Variants in PRKN observed in about 807,000 individuals in gnomAD.
PRKN encodes the protein parkin RBR E3 ubiquitin protein ligase.
A neutral mutation model predicts 59.5 loss-of-function variants in PRKN; 56 were observed. That is an observed-to-expected ratio of 0.94 (90% CI 0.76 to 1.18). The LOEUF (loss-of-function observed/expected upper bound fraction) is 1.18. Among genes scored for constraint, PRKN ranks in the 50% most tolerant of loss-of-function variants. The probability of loss-of-function intolerance (pLI) is 0.00; values close to 1 mark genes in which losing one functional copy is unlikely to be tolerated. For missense variants in PRKN, 657 were observed against 596.4 expected (o/e 1.10, Z -1.06); for synonymous variants, 250 against 222.1 (o/e 1.13, Z -1.12).
chr6:162,541,166 T>G (rs972064416), intron 1 of PRKN, among the ~76,000 whole-genome samples: 7 of 152,046 alleles, frequency 4.6e-5, no homozygotes, highest in African/African-American at 1.7e-4. Context: ...AGTACAATGG[T>G]GTATAAAGCT....
At chr6:161,780,444 T>C (rs903050741) in intron 7 of PRKN, among the ~76,000 whole-genome samples, 2 of 152,212 alleles carry the variant, frequency 1.3e-5, no homozygotes, top group South Asian at 4.1e-4. Context: ...GCAAAGGGGT[T>C]ATCCCAAGGG....
At chr6:162,565,713 C>A (rs1185728825) in intron 1 of PRKN, among the ~76,000 whole-genome samples, 4 of 151,232 alleles carry the variant, frequency 2.6e-5, no homozygotes, top group Non-Finnish European at 5.9e-5. Flanking sequence ...TACATACATA[C>A]ATACATACAT....
At chr6:162,387,812 T>C (rs781103330) in intron 2 of PRKN, among the ~76,000 whole-genome samples, 1 of 152,184 alleles carries the variant, frequency 6.6e-6, no homozygotes, top group Non-Finnish European at 1.5e-5. Flanking sequence ...CACAGAAGAA[T>C]GCGTCAGGTG....
Position 161,397,876 on chromosome 6 carries a change from G to A in PRKN, c.1084-10999C>T, listed in dbSNP as rs1025396227. Among the ~76,000 whole-genome samples the A allele has an allele frequency of 1.3e-5, 2 of 152,106 alleles. No homozygotes were observed. The highest frequency in any genetic ancestry group is 2.4e-5 in the African/African-American group (1 of 41,398). Reference sequence around the variant, plus strand: ...TCGGAGGCCATAATTTTGGTCCAATGGTTCAATGGTCAGCTAGATTCAGAG... The same window carrying A: ...TCGGAGGCCATAATTTTGGTCCAATAGTTCAATGGTCAGCTAGATTCAGAG... On this transcript the variant is annotated intron_variant, in intron 9 of 11. Transcript: ENST00000366898. This position sits in a 1 kb window ranked among gnomAD's most constrained non-coding sequence, Gnocchi z 4.2.
chr6:161,949,462 G>C (rs1176160140), intron 6 of PRKN, among the ~76,000 whole-genome samples: 1 of 152,170 alleles, frequency 6.6e-6, no homozygotes, highest in Admixed American at 6.5e-5. Context: ...GGTGAGCCGA[G>C]TTTGCGCCAC....
rs2115184160 is a variant in PRKN, at chr6:161,468,124, C to T, written c.1083+80730G>A. On this transcript the variant is annotated intron_variant, in intron 9 of 11. Transcript: ENST00000366898. The surrounding 1 kb of genome is among the most constrained non-coding windows in gnomAD (Gnocchi z 5.9). ...AGTAGCTGGGATTATAGGCACGCAC[C>T]ACCACACCTAGCTAATTTTTGTATT... is the stretch of plus-strand genomic sequence containing the variant. 6.6e-6 allele frequency among the ~76,000 whole-genome samples: 1 copy of T among 152,144 alleles called. No individual in the cohort carries two copies. The highest frequency in any genetic ancestry group is 1.5e-5 in the Non-Finnish European group (1 of 67,990).
chr6:162,694,032 G>A lies in PRKN; in HGVS notation c.7+33630C>T, dbSNP rs559103201. ...GGAGGCCGAGGCGGGCAGATCATGA[G>A]GTCAGGAGATCGAGATCATCCTGGC... On this transcript the variant is annotated intron_variant, in intron 1 of 11. Transcript: ENST00000366898. 5.3e-5 allele frequency among the ~76,000 whole-genome samples: 8 copies of A among 152,156 alleles called. No homozygotes were observed. The South Asian group carries it at 1.7e-3, about 32-fold the overall frequency.
At chr6:162,567,922 A>T (rs1488605615) in intron 1 of PRKN, among the ~76,000 whole-genome samples, 2 of 152,234 alleles carry the variant, frequency 1.3e-5, no homozygotes, top group African/African-American at 4.8e-5. Flanking sequence ...ACAGACACAC[A>T]GAGCAATGAA....
At chr6:161,615,436 A>G (rs1009384452) in intron 7 of PRKN, among the ~76,000 whole-genome samples, 12 of 152,370 alleles carry the variant, frequency 7.9e-5, no homozygotes, top group African/African-American at 2.9e-4. Context: ...CAATACTTTC[A>G]TGGCTGTTCT....
chr6:162,201,707 G>A (rs1426834799), intron 3 of PRKN, among the ~76,000 whole-genome samples: 1 of 152,080 alleles, frequency 6.6e-6, no homozygotes, highest in African/African-American at 2.4e-5. Context: ...TGATATAAAT[G>A]ATATGATCAC....
intron 7 of PRKN, among the ~76,000 whole-genome samples, chr6:161,654,444 G>C (rs909063891): frequency 2.6e-5 from 4 of 152,156 alleles, no homozygotes; most frequent in African/African-American, 9.7e-5. Flanking sequence ...CAGCAGCCAT[G>C]AAGAAGCCTG....
At chr6:162,697,862 G>A (rs960056367) in intron 1 of PRKN, among the ~76,000 whole-genome samples, 4 of 151,980 alleles carry the variant, frequency 2.6e-5, no homozygotes, top group Non-Finnish European at 4.4e-5. Context: ...ATATTCCTAG[G>A]TCTACTTCTT....
intron 5 of PRKN, among the ~76,000 whole-genome samples, chr6:162,037,154 C>A (rs1783879835): frequency 6.6e-6 from 1 of 152,084 alleles, no homozygotes; most frequent in South Asian, 2.1e-4. Flanking sequence ...AACTCTACTC[C>A]CAAAATTATA....
At chr6:162,700,038 A>G (rs746388059) in intron 1 of PRKN, among the ~76,000 whole-genome samples, 1 of 152,154 alleles carries the variant, frequency 6.6e-6, no homozygotes, top group Non-Finnish European at 1.5e-5. Context: ...TTGACGAGCT[A>G]ACTTCTATCT....
At chr6:162,230,550 G>T (rs1778378433) in intron 3 of PRKN, among the ~76,000 whole-genome samples, 1 of 152,180 alleles carries the variant, frequency 6.6e-6, no homozygotes, top group South Asian at 2.1e-4. Flanking sequence ...GCTCACCAGA[G>T]ACTGTTAGTC....
At chr6:162,060,794 T>A (rs558418458) in intron 4 of PRKN, among the ~76,000 whole-genome samples, 1 of 152,226 alleles carries the variant, frequency 6.6e-6, no homozygotes, top group Admixed American at 6.5e-5. Context: ...TAGAAAACCA[T>A]GGCATTTACA....
intron 1 of PRKN, among the ~76,000 whole-genome samples, chr6:162,664,753 G>A (rs1244966718): frequency 3.3e-5 from 5 of 151,852 alleles, no homozygotes; most frequent in South Asian, 4.2e-4. Flanking sequence ...TTGTAAATAT[G>A]TTTAAGTTCC....
chr6:162,232,198 T>A (rs1246883593), intron 3 of PRKN, among the ~76,000 whole-genome samples: 1 of 152,122 alleles, frequency 6.6e-6, no homozygotes. Context: ...GCCTGACAAT[T>A]TCTGCATCTC....
rs543648297 is a variant in PRKN at position 161,945,262 on chromosome 6, G to GA, written c.734+28039dup. The stretch of plus-strand genomic sequence containing the variant: ...TCTTTTGTTTGTCCTGGCAAGGTGA[G>GA]AAAAAAAATTGGGTTACCATCAAAG... On this transcript the variant is annotated intron_variant, in intron 6 of 11. Transcript: ENST00000366898. Among the ~76,000 whole-genome samples, 36 of 152,074 alleles carry GA rather than the reference G, an allele frequency of 2.4e-4. No homozygotes were observed. In the East Asian group the frequency reaches 6.6e-3, roughly 28 times the overall value.
Sources: allele counts gnomAD v4.1 joint callset (sites outside exome capture counted in the v4.1 genomes callset), GRCh38; gene constraint gnomAD v4.1.1; non-coding constraint Gnocchi (gnomAD v3.1); transcripts MANE v1.5; gene names NCBI Gene and HGNC (gene_info 2026-07-23, HGNC 2026-07-21).